CRTAC1: variants seen among roughly 807,000 people sequenced by gnomAD.
The protein encoded by CRTAC1 is cartilage acidic protein 1.
CRTAC1 carries 37 observed loss-of-function variants against 67.8 expected under a neutral mutation model. That is an observed-to-expected ratio of 0.55 (90% CI 0.42 to 0.72). CRTAC1 has a LOEUF of 0.72. CRTAC1 is among the 30% of genes least tolerant of loss of function. The pLI, the probability that CRTAC1 is intolerant of heterozygous loss-of-function variation, is 0.00. For missense variants in CRTAC1, 780 were observed against 931.6 expected, an observed-to-expected ratio of 0.84 and a Z score of 2.12; for synonymous variants, 348 against 371.0, an observed-to-expected ratio of 0.94 and a Z score of 0.71.
At chr10:97,909,206 C>T (rs1197080261) in intron 5 of CRTAC1, among the ~76,000 whole-genome samples, 1 of 152,108 alleles carries the variant, frequency 6.6e-6, no homozygotes, top group Admixed American at 6.5e-5. Flanking sequence ...ACAAACCACC[C>T]CCACCCAGTG....
intron 11 of CRTAC1, among the ~76,000 whole-genome samples, chr10:97,894,111 C>T (rs1024817657): frequency 1.3e-5 from 2 of 152,120 alleles, no homozygotes; most frequent in East Asian, 1.9e-4. Context: ...AAGTGGCTTG[C>T]GATATGATAG....
At chr10:97,906,873 C>A (rs879407665) in intron 6 of CRTAC1, among the ~76,000 whole-genome samples, 2 of 152,192 alleles carry the variant, frequency 1.3e-5, no homozygotes, top group Non-Finnish European at 2.9e-5. Flanking sequence ...CAGACTGGCA[C>A]ACGTGCAGGG....
chr10:98,016,859 A>T (rs1249809721), intron 1 of CRTAC1, among the ~76,000 whole-genome samples: 2 of 147,424 alleles, frequency 1.4e-5, no homozygotes, highest in South Asian at 2.4e-4. Context: ...AAACCTATTT[A>T]TCTAGGGAGT....
At chr10:97,955,817 T>C (rs1245052880) in intron 2 of CRTAC1, among the ~76,000 whole-genome samples, 1 of 152,104 alleles carries the variant, frequency 6.6e-6, no homozygotes, top group Non-Finnish European at 1.5e-5. Flanking sequence ...GGGTGCACGG[T>C]GAGGAATTCA....
chr10:97,893,633 G>A (rs1189488388), intron 11 of CRTAC1, among the ~76,000 whole-genome samples: 4 of 151,968 alleles, frequency 2.6e-5, no homozygotes, highest in East Asian at 1.9e-4. Context: ...GCTCCTCTGC[G>A]CCCTTCACCC....
At chr10:97,932,788 A>C (rs2051021649) in intron 3 of CRTAC1, among the ~76,000 whole-genome samples, 1 of 152,194 alleles carries the variant, frequency 6.6e-6, no homozygotes, top group Non-Finnish European at 1.5e-5. Flanking sequence ...CTATGGCGCC[A>C]CTAGTGGGAG....
At chr10:97,893,886 C>T (rs2050413401) in intron 11 of CRTAC1, among the ~76,000 whole-genome samples, 1 of 152,202 alleles carries the variant, frequency 6.6e-6, no homozygotes, top group Non-Finnish European at 1.5e-5. Context: ...CCCCTTTTCT[C>T]ACTCACCATA....
At chr10:98,027,162 G>C (rs955390666) in intron 1 of CRTAC1, among the ~76,000 whole-genome samples, 3 of 147,304 alleles carry the variant, frequency 2.0e-5, no homozygotes, top group African/African-American at 7.7e-5. Context: ...GCGAGACTCC[G>C]TCTCAAAAAA....
chr10:97,994,615 G>A (rs1005151507), intron 2 of CRTAC1, among the ~76,000 whole-genome samples: 2 of 152,162 alleles, frequency 1.3e-5, no homozygotes, highest in African/African-American at 2.4e-5. Flanking sequence ...ATTCTCTCAG[G>A]TTCCTCCATG....
intron 11 of CRTAC1, among the ~76,000 whole-genome samples, chr10:97,894,606 C>T (rs578127811): frequency 6.7e-6 from 1 of 148,942 alleles, no homozygotes; most frequent in Non-Finnish European, 1.5e-5. Context: ...CCATGTTGCC[C>T]AGGCTAGTCT....
At chr10:97,873,103 G>T (rs565400095) in intron 14 of CRTAC1, among the ~76,000 whole-genome samples, 1 of 152,298 alleles carries the variant, frequency 6.6e-6, no homozygotes, top group South Asian at 2.1e-4. Flanking sequence ...TTTTATCACT[G>T]CCTCTATTTT....
chr10:97,921,271 C>T (rs896889282), intron 4 of CRTAC1, among the ~76,000 whole-genome samples: 1 of 152,090 alleles, frequency 6.6e-6, no homozygotes, highest in South Asian at 2.1e-4. Context: ...ATTAAAAGGC[C>T]CTGCCCCAGG....
intron 4 of CRTAC1, among the ~76,000 whole-genome samples, chr10:97,922,925 C>G (rs2136595747): frequency 6.6e-6 from 1 of 152,302 alleles, no homozygotes; most frequent in Admixed American, 6.5e-5. Context: ...GGATTTAGAG[C>G]TAGAAGAGGT....
intron 2 of CRTAC1, among the ~76,000 whole-genome samples, chr10:98,001,893 G>A (rs1332329571): frequency 6.6e-6 from 1 of 152,266 alleles, no homozygotes; most frequent in Non-Finnish European, 1.5e-5. Flanking sequence ...GAAGAGAAGG[G>A]ATGTGTGAAG....
At chr10:98,018,468 C>T (rs545173928) in intron 1 of CRTAC1, among the ~76,000 whole-genome samples, 25 of 152,206 alleles carry the variant, frequency 1.6e-4, no homozygotes, top group African/African-American at 5.1e-4. Flanking sequence ...CCTTCTTTGA[C>T]ATAGAGAGCT....
rs114191508 is a variant in CRTAC1, at chr10:97,961,291, A to G, written c.225-24925T>C. ...TTAACAACATGATATTCTATCCCCA[A>G]ACAACCTATCCTTTTTCTCATCTTT... On this transcript the variant is annotated intron_variant, in intron 2 of 14. Coordinates refer to ENST00000370597, the MANE Select transcript of CRTAC1 (RefSeq NM_018058.7). 8.4e-3 allele frequency among the ~76,000 whole-genome samples: 1,277 copies of G among 152,180 alleles called. 22 individuals are homozygous for G. The highest frequency in any genetic ancestry group is 0.029 in the African/African-American group (1,220 of 41,510).
At chr10:97,969,404 C>T (rs2051671374) in intron 2 of CRTAC1, among the ~76,000 whole-genome samples, 1 of 152,194 alleles carries the variant, frequency 6.6e-6, no homozygotes, top group African/African-American at 2.4e-5. Context: ...GCAGCCACTC[C>T]AGCCCGAGCC....
intron 2 of CRTAC1, among the ~76,000 whole-genome samples, chr10:97,970,819 C>G (rs183140142): frequency 6.6e-6 from 1 of 152,174 alleles, no homozygotes; most frequent in African/African-American, 2.4e-5. Context: ...CTGACACAGA[C>G]GGGCAGTGCT....
At chr10:97,987,740 C>A (rs72842540) in intron 2 of CRTAC1, among the ~76,000 whole-genome samples, 7,616 of 152,338 alleles carry the variant, frequency 0.05, 268 homozygotes, top group Non-Finnish European at 0.07. Context: ...TCTTGGCCAT[C>A]CCTGTGTCTC....
Sources: gnomAD v4.1 joint callset for allele counts (sites outside exome capture counted in the v4.1 genomes callset) on GRCh38, gnomAD v4.1.1 for gene constraint, MANE v1.5 for transcripts, NCBI Gene and HGNC (gene_info 2026-07-23, HGNC 2026-07-21) for gene names.